Variants in SDK2 observed in about 807,000 individuals in gnomAD.
SDK2 encodes the protein protein sidekick-2.
SDK2 carries 105 observed loss-of-function variants against 253.9 expected under a neutral mutation model. The observed-to-expected ratio is 0.41, with a 90% CI of 0.35 to 0.49. The LOEUF (loss-of-function observed/expected upper bound fraction) is 0.49, where lower values mean the gene tolerates loss of function less well. Ranked by LOEUF, SDK2 falls within the 20% of genes least tolerant of loss-of-function variation. The pLI is 0.06. For missense variants in SDK2, 2,608 were observed against 3,003.0 expected (o/e 0.87, Z 3.07); for synonymous variants, 1,249 against 1,234.9 (o/e 1.01, Z -0.24).
At chr17:73,418,555 A>C (rs2063202421) in intron 16 of SDK2, among the ~76,000 whole-genome samples, 1 of 152,202 alleles carries the variant, frequency 6.6e-6, no homozygotes, top group South Asian at 2.1e-4. Context: ...AGACACACGA[A>C]GTTGCATAGC....
chr17:73,623,949 G>C (rs1020409390), intron 1 of SDK2, among the ~76,000 whole-genome samples: 2 of 152,156 alleles, frequency 1.3e-5, no homozygotes, highest in Admixed American at 1.3e-4. Flanking sequence ...AAGACAGCAC[G>C]GCAGACAGAC....
At chr17:73,369,886 C>T (rs11652381) in intron 36 of SDK2, among the ~76,000 whole-genome samples, 64,170 of 152,024 alleles carry the variant, frequency 0.42, 15,159 homozygotes, top group East Asian at 0.6. Context: ...CCTTGTGATC[C>T]GCCCGCCTCG....
intron 1 of SDK2, among the ~76,000 whole-genome samples, chr17:73,580,144 C>A (rs953304699): frequency 1.3e-5 from 2 of 152,178 alleles, no homozygotes; most frequent in Admixed American, 1.3e-4. Context: ...CGGAACAATT[C>A]ATTTCTGTTA....
At chr17:73,476,722 ATCCTCCT>A (rs1489457004) in intron 2 of SDK2, among the ~76,000 whole-genome samples, 1 of 152,154 alleles carries the variant, frequency 6.6e-6, no homozygotes, top group Admixed American at 6.5e-5. Context: ...GGCTTAAGCG[ATCCTCCT>A]GCCTCAACCT....
chr17:73,350,500 G>A (rs1428215183), intron 42 of SDK2, 125 bp from the exon 43 acceptor site: 3 of 1,434,224 alleles, frequency 2.1e-6, no homozygotes, highest in Non-Finnish European at 2.8e-6. Flanking sequence ...AAGAGATTGA[G>A]ATTGTGTGTA....
chr17:73,451,822 C>T (rs1275980485), intron 4 of SDK2, among the ~76,000 whole-genome samples: 1 of 152,128 alleles, frequency 6.6e-6, no homozygotes, highest in Non-Finnish European at 1.5e-5. Context: ...GGGTGCTCTT[C>T]CTGGCACTCA....
intron 1 of SDK2, among the ~76,000 whole-genome samples, chr17:73,589,247 A>G (rs9911847): frequency 0.23 from 34,548 of 152,312 alleles, 4,639 homozygotes; most frequent in African/African-American, 0.37. Flanking sequence ...AATGCACGTG[A>G]GTGCAGGTGC....
At chr17:73,627,702 C>T (rs1050527581) in intron 1 of SDK2, among the ~76,000 whole-genome samples, 1 of 152,214 alleles carries the variant, frequency 6.6e-6, no homozygotes, top group African/African-American at 2.4e-5. Context: ...CCAAATCGTA[C>T]ATCAGACAAT....
chr17:73,613,611 C>G (rs2046008210), intron 1 of SDK2, among the ~76,000 whole-genome samples: 3 of 151,068 alleles, frequency 2.0e-5, no homozygotes, highest in African/African-American at 7.3e-5. Context: ...ACCCCCAGCC[C>G]CCTCCCCCTA....
chr17:73,484,187 G>A (rs569823050), intron 2 of SDK2, among the ~76,000 whole-genome samples: 2 of 152,226 alleles, frequency 1.3e-5, no homozygotes, highest in Non-Finnish European at 2.9e-5. Context: ...CCTGGCACCC[G>A]GCTGAAATTC....
chr17:73,385,640 G>A (rs577539818), intron 32 of SDK2, among the ~76,000 whole-genome samples: 119 of 152,334 alleles, frequency 7.8e-4, no homozygotes, highest in African/African-American at 2.5e-3. Flanking sequence ...GTAATGAGGC[G>A]TGTTATGGGA....
intron 1 of SDK2, among the ~76,000 whole-genome samples, chr17:73,592,128 G>A (rs1212053738): frequency 6.6e-6 from 1 of 152,216 alleles, no homozygotes; most frequent in Non-Finnish European, 1.5e-5. Flanking sequence ...GGGAACTGCA[G>A]CCTGTCTACC....
In SDK2 at chr17:73,352,593, C is replaced by T. The variant is rs2062548874; in HGVS notation, c.5638G>A (p.Val1880Met). Residue 1880 changes from valine (V) to methionine (M), a missense_variant, in exon 41 of 45, where the codon GTG (valine) becomes ATG (methionine). Coordinates refer to ENST00000392650, the MANE Select transcript of SDK2 (RefSeq NM_001144952.2). The surrounding 1 kb of genome is among the most constrained non-coding windows in gnomAD (Gnocchi z 4.1). The part of the protein sequence containing the change: ...DILIKDIPKE[V>M]SSYTFSMDIL... ...TCCATGCTGAACGTGTAGGAGCTCA[C>T]CTCCTTGGGGATGTCTTTGATGAGG... 9.9e-6 allele frequency: 16 copies of T among 1,613,898 alleles called. No individual in the cohort carries two copies. Among genetic ancestry groups the T allele is most frequent in the African/African-American group, 1.3e-5 (1 of 74,932 alleles).
intron 7 of SDK2, 66 bp from the exon 8 acceptor site, chr17:73,437,888 G>A: frequency 1.2e-6 from 2 of 1,606,752 alleles, no homozygotes; most frequent in South Asian, 1.1e-5. Flanking sequence ...CACTGTAGGG[G>A]GTCACCCTTA....
intron 16 of SDK2, among the ~76,000 whole-genome samples, chr17:73,418,472 T>C (rs944925695): frequency 5.3e-5 from 8 of 152,086 alleles, no homozygotes; most frequent in Non-Finnish European, 8.8e-5. Context: ...TCAGGATTAG[T>C]GAAAAACCCA....
intron 1 of SDK2, among the ~76,000 whole-genome samples, chr17:73,566,933 G>C (rs1418046132): frequency 6.6e-6 from 1 of 151,336 alleles, no homozygotes; most frequent in South Asian, 2.1e-4. Context: ...CCATGAGGTA[G>C]AGAACAAAAG....
intron 26 of SDK2, 115 bp downstream of exon 26, chr17:73,394,094 C>T (rs546121460): frequency 1.7e-5 from 10 of 603,996 alleles, no homozygotes; most frequent in South Asian, 1.7e-4. Context: ...AGGCAGATCC[C>T]CTGTATCCAC....
Position 73,352,368 on chromosome 17 carries a change from C to G in SDK2, c.5758+105G>C, listed in dbSNP as rs965567760. The G allele has an allele frequency of 1.6e-5, 22 of 1,380,338 alleles. No individual in the cohort carries two copies. The highest frequency in any genetic ancestry group is 2.0e-5 in the Non-Finnish European group (20 of 1,021,118). The allele number at this position is 1,380,338 out of a possible 1,614,324, so 85.5% of individuals were successfully genotyped here. A position where few individuals can be genotyped will look rare whatever the true frequency, so the allele number is the denominator to read the frequency against. On this transcript the variant is annotated intron_variant, in intron 41 of 44. Transcript: ENST00000392650. The surrounding 1 kb of genome is among the most constrained non-coding windows in gnomAD (Gnocchi z 4.1). ...GGACAATGTGTTTTTGTTCCCGCCC[C>G]ATGCTCCTGGTGCCCTGGTGCCTCT... is the stretch of plus-strand genomic sequence containing the variant.
chr17:73,385,916 G>A lies in SDK2; in HGVS notation c.4500C>T (p.Ala1500=), dbSNP rs766358671. Residue 1500 remains alanine, a splice_region_variant and synonymous_variant, in exon 32 of 45, where the codon GCC becomes GCT. Transcript: ENST00000392650. ...AGAGGATGGTGGGTGCTTCATCGGG[G>A]GCTGTGGAGAGAAGCAGACAGGTGG... ...ESESLTTLQA[A]PDEAPTILSV... The A allele has an allele frequency of 2.9e-5, 47 of 1,601,656 alleles. No homozygotes were observed. In the East Asian group the frequency reaches 1.1e-3, roughly 36 times the overall value.
Sources: allele counts gnomAD v4.1 joint callset (sites outside exome capture counted in the v4.1 genomes callset), GRCh38; gene constraint gnomAD v4.1.1; non-coding constraint Gnocchi (gnomAD v3.1); transcripts MANE v1.5; gene names NCBI Gene and HGNC (gene_info 2026-07-23, HGNC 2026-07-21).